KHDRBS2: variants seen among roughly 807,000 people sequenced by gnomAD.
KHDRBS2 encodes the protein KH RNA binding domain containing, signal transduction associated 2, also known as KH domain-containing, RNA-binding, signal transduction-associated protein 2.
Under a neutral mutation model 44.3 loss-of-function variants are expected in KHDRBS2, and 26 were observed. That is an observed-to-expected ratio of 0.59 (90% CI 0.43 to 0.81). The LOEUF is 0.81. KHDRBS2 is among the 40% of genes least tolerant of loss of function. KHDRBS2 has a pLI of 0.00. For missense variants in KHDRBS2, 476 were observed against 433.1 expected, an observed-to-expected ratio of 1.10 and a Z score of -0.88; for synonymous variants, 194 against 151.1, an observed-to-expected ratio of 1.28 and a Z score of -2.08.
intron 2 of KHDRBS2, among the ~76,000 whole-genome samples, chr6:62,082,994 G>A (rs534021111): frequency 1.0e-3 from 154 of 152,258 alleles, no homozygotes; most frequent in African/African-American, 3.7e-3. Flanking sequence ...AGGAGGCAGA[G>A]AAATACTAGT....
chr6:61,870,564 C>T (rs1798519565), intron 6 of KHDRBS2, among the ~76,000 whole-genome samples: 1 of 152,088 alleles, frequency 6.6e-6, no homozygotes, highest in African/African-American at 2.4e-5. Flanking sequence ...CTCTGACCCC[C>T]ATGTATCCTG....
intron 5 of KHDRBS2, among the ~76,000 whole-genome samples, chr6:61,895,904 C>T (rs890100734): frequency 2.6e-5 from 4 of 152,060 alleles, no homozygotes; most frequent in African/African-American, 9.7e-5. Flanking sequence ...TAAAAGTGAG[C>T]ATTTATAAGT....
intron 6 of KHDRBS2, among the ~76,000 whole-genome samples, chr6:61,820,025 G>A (rs1299078905): frequency 4.6e-5 from 7 of 152,016 alleles, no homozygotes; most frequent in African/African-American, 9.7e-5. Flanking sequence ...TCATTAACTC[G>A]TGCAAACTAG....
intron 4 of KHDRBS2, among the ~76,000 whole-genome samples, chr6:61,968,650 C>A (rs1049473926): frequency 1.3e-5 from 2 of 151,946 alleles, no homozygotes; most frequent in African/African-American, 4.8e-5. Flanking sequence ...TACAGAGAAG[C>A]CTAATACTAA....
chr6:62,075,745 G>A (rs1796204210), intron 2 of KHDRBS2, among the ~76,000 whole-genome samples: 1 of 151,666 alleles, frequency 6.6e-6, no homozygotes, highest in African/African-American at 2.4e-5. Context: ...CTTTGACATT[G>A]TGGGCATATT....
At chr6:62,249,630 A>ACCT (rs1836189851) in intron 1 of KHDRBS2, among the ~76,000 whole-genome samples, 1 of 152,014 alleles carries the variant, frequency 6.6e-6, no homozygotes, top group South Asian at 2.1e-4. Context: ...TTTCACATTT[A>ACCT]CCTCCTATAG....
intron 6 of KHDRBS2, among the ~76,000 whole-genome samples, chr6:61,893,695 A>G (rs976402451): frequency 2.0e-5 from 3 of 152,158 alleles, no homozygotes; most frequent in Non-Finnish European, 4.4e-5. Context: ...TGGGAATTGA[A>G]CAATGGGAAC....
intron 1 of KHDRBS2, among the ~76,000 whole-genome samples, chr6:62,243,764 C>T (rs1020276222): frequency 6.6e-6 from 1 of 152,006 alleles, no homozygotes; most frequent in African/African-American, 2.4e-5. Flanking sequence ...GCTTCATCTA[C>T]GAAGTGAAGA....
rs1245674515 is a variant in KHDRBS2 at position 62,047,804 on chromosome 6, T to C, written c.336+74A>G. 12 of 878,128 alleles carry C rather than the reference T, an allele frequency of 1.4e-5. No homozygotes were observed. The East Asian group carries it at 2.7e-4, about 19-fold the overall frequency. 54.4% of individuals were successfully genotyped at this position (878,128 alleles called of 1,614,324 possible). A position where few individuals can be genotyped will look rare whatever the true frequency, so the allele number is the denominator to read the frequency against. On this transcript the variant is annotated intron_variant, in intron 3 of 8. Coordinates refer to ENST00000281156, the MANE Select transcript of KHDRBS2 (RefSeq NM_152688.4). ...AAATGGTGAAAGAGCAGTTCAGGCA[T>C]GCTTGTAAATTTGGCCTTCAGTGTT...
intron 1 of KHDRBS2, among the ~76,000 whole-genome samples, chr6:62,188,318 C>T (rs572596887): frequency 3.3e-5 from 5 of 152,274 alleles, no homozygotes; most frequent in African/African-American, 1.2e-4. Context: ...TTCTCCCTTG[C>T]TCCAGCCCCT....
At chr6:61,990,358 C>A (rs1387750901) in intron 3 of KHDRBS2, among the ~76,000 whole-genome samples, 1 of 152,052 alleles carries the variant, frequency 6.6e-6, no homozygotes, top group South Asian at 2.1e-4. Context: ...TTTTAAAAAT[C>A]TACTTATATA....
At chr6:62,080,126 T>A (rs2127353894) in intron 2 of KHDRBS2, among the ~76,000 whole-genome samples, 1 of 152,208 alleles carries the variant, frequency 6.6e-6, no homozygotes, top group African/African-American at 2.4e-5. Context: ...GATTCTCAAT[T>A]ACATAAAGTA....
chr6:61,549,788 T>C, the KHDRBS2 span, among the ~76,000 whole-genome samples: 1 of 152,300 alleles, frequency 6.6e-6, no homozygotes, highest in Middle Eastern at 3.4e-3. Flanking sequence ...TGGGATAGTT[T>C]TAGTTTCAAC....
chr6:61,909,469 T>C (rs59202837), intron 4 of KHDRBS2, among the ~76,000 whole-genome samples: 29,276 of 152,194 alleles, frequency 0.19, 3,003 homozygotes, highest in Non-Finnish European at 0.23. Context: ...TAAAACCTTG[T>C]TATTTGAAGT....
the KHDRBS2 span, among the ~76,000 whole-genome samples, chr6:61,608,658 A>G: frequency 1.4e-5 from 2 of 147,786 alleles, no homozygotes; most frequent in Non-Finnish European, 3.0e-5. Context: ...CTCATTGTTC[A>G]ACTCCCACTT....
At chr6:61,977,980 C>T in intron 4 of KHDRBS2, 86 bp downstream of exon 4, 1 of 1,171,204 alleles carries the variant, frequency 8.5e-7, no homozygotes, top group Non-Finnish European at 1.2e-6. Context: ...TATGAGTTTC[C>T]TTTTAAAAAG....
intron 4 of KHDRBS2, among the ~76,000 whole-genome samples, chr6:61,955,086 GCATACATATATGTA>G (rs1766288104): frequency 7.5e-6 from 1 of 133,858 alleles, no homozygotes; most frequent in Non-Finnish European, 1.6e-5. Context: ...GTGTATGTAT[GCATACATATATGTA>G]TATATACACA....
intron 6 of KHDRBS2, chr6:61,816,827 T>C (rs567008540): frequency 6.2e-5 from 24 of 389,994 alleles, no homozygotes; most frequent in Non-Finnish European, 9.2e-5. Flanking sequence ...ATTAATATTT[T>C]AGTGTGAAAA....
intron 4 of KHDRBS2, among the ~76,000 whole-genome samples, chr6:61,952,271 C>T (rs1443291429): frequency 1.3e-5 from 2 of 152,000 alleles, no homozygotes; most frequent in African/African-American, 4.8e-5. Context: ...GGGAGCTACA[C>T]AGGTCAGAAG....
Sources: gnomAD v4.1 joint callset for allele counts (sites outside exome capture counted in the v4.1 genomes callset) on GRCh38, gnomAD v4.1.1 for gene constraint, MANE v1.5 for transcripts, NCBI Gene and HGNC (gene_info 2026-07-23, HGNC 2026-07-21) for gene names.